NALF1: variants seen among roughly 807,000 people sequenced by gnomAD.
The protein encoded by NALF1 is NALCN channel auxiliary factor 1, also known as family with sequence similarity 155 member A.
A neutral mutation model predicts 48.4 loss-of-function variants in NALF1; 3 were observed. That is an observed-to-expected ratio of 0.06 (90% CI 0.03 to 0.16). The LOEUF (loss-of-function observed/expected upper bound fraction) is 0.16, where lower values mean the gene tolerates loss of function less well. NALF1 is among the 10% of genes least tolerant of loss of function. NALF1 has a pLI of 1.00. For missense variants in NALF1, 526 were observed against 571.5 expected (o/e 0.92, Z 0.81); for synonymous variants, 262 against 245.7 (o/e 1.07, Z -0.62).
At chr13:107,820,377 T>A (rs77532256) in intron 1 of NALF1, among the ~76,000 whole-genome samples, 1,710 of 152,316 alleles carry the variant, frequency 0.011, 30 homozygotes, top group African/African-American at 0.039. Context: ...TGAATTGCAC[T>A]CATATTTTTA....
chr13:107,231,303 T>C (rs1242280230), intron 1 of NALF1, among the ~76,000 whole-genome samples: 1 of 152,156 alleles, frequency 6.6e-6, no homozygotes, highest in East Asian at 1.9e-4. Flanking sequence ...CCTCAGTTAT[T>C]TGCATATTTT....
chr13:107,444,596 C>T (rs1172338836), intron 1 of NALF1, among the ~76,000 whole-genome samples: 1 of 152,106 alleles, frequency 6.6e-6, no homozygotes, highest in Non-Finnish European at 1.5e-5. Flanking sequence ...ATCAAACAAT[C>T]CCTTACTTGT....
intron 1 of NALF1, among the ~76,000 whole-genome samples, chr13:107,642,324 A>G (rs1056381483): frequency 1.3e-5 from 2 of 152,204 alleles, no homozygotes; most frequent in Non-Finnish European, 2.9e-5. Flanking sequence ...CACAATAAGA[A>G]TATATCTGAA....
chr13:107,612,429 C>G (rs1180065672), intron 1 of NALF1, among the ~76,000 whole-genome samples: 1 of 152,052 alleles, frequency 6.6e-6, no homozygotes, highest in Non-Finnish European at 1.5e-5. Context: ...TATACGTCGG[C>G]TTGCCTGGGC....
At chr13:107,582,212 C>T (rs1214717893) in intron 1 of NALF1, among the ~76,000 whole-genome samples, 2 of 152,120 alleles carry the variant, frequency 1.3e-5, no homozygotes, top group African/African-American at 2.4e-5. Flanking sequence ...TTTTCAAAGT[C>T]CTTAATGACT....
intron 1 of NALF1, among the ~76,000 whole-genome samples, chr13:107,329,638 C>T (rs1358800119): frequency 6.6e-6 from 1 of 150,832 alleles, no homozygotes; most frequent in Non-Finnish European, 1.5e-5. Flanking sequence ...TCTCCTAATG[C>T]TATCCCTCCC....
In NALF1 at chr13:107,362,881, T is replaced by C. The variant is rs759013003; in HGVS notation, c.916-152126A>G. Among the ~76,000 whole-genome samples the C allele has an allele frequency of 2.6e-5, 4 of 152,174 alleles. No homozygotes were observed. Among genetic ancestry groups the C allele is most frequent in the African/African-American group, 7.2e-5 (3 of 41,448 alleles). ...GTAAGTGGAGGGATTGGGTTATCTA[T>C]ACATACCTTTAGGCTCATGATAAAG... On this transcript the variant is annotated intron_variant, in intron 1 of 2. Transcript: ENST00000375915. The surrounding 1 kb of genome is among the most constrained non-coding windows in gnomAD (Gnocchi z 4.6).
chr13:107,859,914 CAAAAAAAAA>C (rs778833499), intron 1 of NALF1, among the ~76,000 whole-genome samples: 1 of 66,494 alleles, frequency 1.5e-5, no homozygotes, highest in African/African-American at 6.1e-5. Flanking sequence ...AACTCCAACT[CAAAAAAAAA>C]AAAAAAAAAA....
At chr13:107,450,680 AGC>A (rs1280893430) in intron 1 of NALF1, among the ~76,000 whole-genome samples, 1 of 152,194 alleles carries the variant, frequency 6.6e-6, no homozygotes, top group Non-Finnish European at 1.5e-5. Flanking sequence ...GTGAATCCCC[AGC>A]GTCTGTGGCC....
chr13:107,807,793 A>G (rs1414121505), intron 1 of NALF1, among the ~76,000 whole-genome samples: 1 of 152,142 alleles, frequency 6.6e-6, no homozygotes, highest in Non-Finnish European at 1.5e-5. Context: ...GTATTGTAAA[A>G]CGCAAATGTT....
rs551403470 is a variant in NALF1, at chr13:107,556,523, C to T, written c.915+309159G>A. ...TTATTTATTTTGGGATGGAGTTTCACTCTTGTTGCCCAGGCTGGAGTGCAA... is the reference window on the plus strand; with the variant it reads ...TTATTTATTTTGGGATGGAGTTTCATTCTTGTTGCCCAGGCTGGAGTGCAA... On this transcript the variant is annotated intron_variant, in intron 1 of 2. Coordinates refer to ENST00000375915, the MANE Select transcript of NALF1 (RefSeq NM_001080396.3). Among the ~76,000 whole-genome samples the T allele has an allele frequency of 1.1e-4, 17 of 152,032 alleles. No homozygotes were observed. The South Asian group carries it at 3.3e-3, about 30-fold the overall frequency.
intron 1 of NALF1, among the ~76,000 whole-genome samples, chr13:107,313,124 CAAAGA>C (rs1342349612): frequency 7.9e-5 from 12 of 151,198 alleles, no homozygotes; most frequent in Non-Finnish European, 1.2e-4. Flanking sequence ...TAGAAAGCAA[CAAAGA>C]AAAGAAAAGT....
At chr13:107,819,646 A>T (rs1186253483) in intron 1 of NALF1, among the ~76,000 whole-genome samples, 1 of 150,948 alleles carries the variant, frequency 6.6e-6, no homozygotes, top group East Asian at 2.0e-4. Flanking sequence ...CTGCCACTAC[A>T]TTCCCATAAG....
At chr13:107,241,730 T>C (rs1880475561) in intron 1 of NALF1, among the ~76,000 whole-genome samples, 1 of 152,218 alleles carries the variant, frequency 6.6e-6, no homozygotes, top group Non-Finnish European at 1.5e-5. Flanking sequence ...ATCTGTAGGA[T>C]CTTGTTAACA....
chr13:107,766,231 A>G (rs571371529), intron 1 of NALF1, among the ~76,000 whole-genome samples: 34 of 152,310 alleles, frequency 2.2e-4, no homozygotes, highest in Non-Finnish European at 3.4e-4. Flanking sequence ...ATAAATCTGT[A>G]CCATCCCCAG....
chr13:107,188,357 T>A (rs1879219074), intron 2 of NALF1, among the ~76,000 whole-genome samples: 1 of 152,106 alleles, frequency 6.6e-6, no homozygotes, highest in Non-Finnish European at 1.5e-5. Flanking sequence ...TCTAGAGAAT[T>A]TGCTAATTTT....
intron 1 of NALF1, among the ~76,000 whole-genome samples, chr13:107,702,745 G>A (rs1050287370): frequency 1.3e-5 from 2 of 151,968 alleles, no homozygotes; most frequent in African/African-American, 4.8e-5. Flanking sequence ...CCCCCCATGT[G>A]TCCCTGTGTT....
intron 1 of NALF1, among the ~76,000 whole-genome samples, chr13:107,341,074 T>C (rs1384783688): frequency 6.6e-6 from 1 of 150,582 alleles, no homozygotes; most frequent in Non-Finnish European, 1.5e-5. Flanking sequence ...CACTTGCATA[T>C]ATCTTTCTTT....
intron 1 of NALF1, among the ~76,000 whole-genome samples, chr13:107,696,055 C>T (rs1474495294): frequency 6.6e-6 from 1 of 152,114 alleles, no homozygotes; most frequent in Non-Finnish European, 1.5e-5. Context: ...CACCACCACG[C>T]CCAGCTAATT....
Sources: gnomAD v4.1 joint callset for allele counts (sites outside exome capture counted in the v4.1 genomes callset) on GRCh38, gnomAD v4.1.1 for gene constraint, Gnocchi (gnomAD v3.1) non-coding constraint, MANE v1.5 for transcripts, NCBI Gene and HGNC (gene_info 2026-07-23, HGNC 2026-07-21) for gene names.